The following ADGRV1 variants were observed in gnomAD, a reference collection of about 807,000 sequenced individuals.
ADGRV1 encodes G-protein coupled receptor 98.
A neutral mutation model predicts 596.2 loss-of-function variants in ADGRV1; 359 were observed. The observed-to-expected ratio is 0.60, with a 90% CI of 0.55 to 0.66. The LOEUF (loss-of-function observed/expected upper bound fraction) is 0.66. Among genes scored for constraint, ADGRV1 ranks in the 30% least tolerant of loss-of-function variants. The pLI is 0.00. For synonymous variants in ADGRV1, 2,681 were observed against 2,679.2 expected (o/e 1.00, Z -0.02); for missense variants, 7,274 against 7,575.6 (o/e 0.96, Z 1.48).
At chr5:91,160,610 G>C (rs1562296874) in intron 89 of ADGRV1, among the ~76,000 whole-genome samples, 1 of 152,168 alleles carries the variant, frequency 6.6e-6, no homozygotes, top group East Asian at 1.9e-4. Flanking sequence ...AAGTGTCCCT[G>C]TTATCACAGT....
intron 87 of ADGRV1, among the ~76,000 whole-genome samples, chr5:91,123,929 G>T (rs756287905): frequency 6.6e-6 from 1 of 152,090 alleles, no homozygotes; most frequent in Non-Finnish European, 1.5e-5. Context: ...AAATAAACAT[G>T]ACTAGATTAT....
intron 87 of ADGRV1, among the ~76,000 whole-genome samples, chr5:91,145,560 T>G (rs1795464758): frequency 6.6e-6 from 1 of 152,206 alleles, no homozygotes; most frequent in Non-Finnish European, 1.5e-5. Context: ...TCAGGAAGAT[T>G]TGTTTCTGCT....
chr5:90,568,078 T>G (rs1180156794), intron 1 of ADGRV1, among the ~76,000 whole-genome samples: 1 of 152,124 alleles, frequency 6.6e-6, no homozygotes, highest in Non-Finnish European at 1.5e-5. Flanking sequence ...TTACTTTTGT[T>G]GATTTTCTCT....
intron 72 of ADGRV1, among the ~76,000 whole-genome samples, chr5:90,805,691 A>G (rs1761837845): frequency 6.6e-6 from 1 of 152,186 alleles, no homozygotes; most frequent in African/African-American, 2.4e-5. Context: ...GTCACTAAGC[A>G]AACTACTCTG....
intron 87 of ADGRV1, among the ~76,000 whole-genome samples, chr5:91,133,637 A>G (rs1197777250): frequency 6.6e-6 from 1 of 152,218 alleles, no homozygotes; most frequent in Non-Finnish European, 1.5e-5. Flanking sequence ...GTGGACGACA[A>G]TGTTACAAAG....
chr5:90,994,073 T>G (rs78144013), intron 85 of ADGRV1, among the ~76,000 whole-genome samples: 1 of 151,682 alleles, frequency 6.6e-6, no homozygotes, highest in Admixed American at 6.6e-5. Context: ...TTTTTTTTTT[T>G]GGAGACAGAG....
chr5:90,705,930 G>A, intron 37 of ADGRV1, among the ~76,000 whole-genome samples: 1 of 152,130 alleles, frequency 6.6e-6, no homozygotes, highest in East Asian at 1.9e-4. Context: ...GTGAAAATGT[G>A]TAAGGCCCCC....
intron 79 of ADGRV1, among the ~76,000 whole-genome samples, chr5:90,851,102 G>GGTGAGTGT (rs1554136391): frequency 2.0e-5 from 1 of 50,566 alleles, no homozygotes; most frequent in Non-Finnish European, 4.3e-5. Context: ...AGCTAGGTAG[G>GGTGAGTGT]GTGTGTGTGT....
intron 71 of ADGRV1, among the ~76,000 whole-genome samples, chr5:90,804,357 G>A (rs115423842): frequency 0.024 from 3,604 of 151,902 alleles, 79 homozygotes; most frequent in Middle Eastern, 0.037. Flanking sequence ...AACCGAGATC[G>A]TACCATTGCA....
chr5:91,031,431 T>C lies in ADGRV1; in HGVS notation c.18153-41016T>C, dbSNP rs1784474943. On this transcript the variant is annotated intron_variant, in intron 85 of 89. Transcript: ENST00000405460. ...AACCTTCCTGTTCCCATGGCCAGCA[T>C]TAAAGAGTCACTCAACTCTGAATAA... 7 of 785,030 alleles carry C rather than the reference T, an allele frequency of 8.9e-6. No individual in the cohort carries two copies. In the South Asian group the frequency reaches 1.1e-4, roughly 13 times the overall value. The allele number at this position is 785,030 out of a possible 1,614,324, so 48.6% of individuals were successfully genotyped here. A position where few individuals can be genotyped will look rare whatever the true frequency, so the allele number is the denominator to read the frequency against.
At chr5:91,107,358 C>A (rs2367281) in intron 87 of ADGRV1, among the ~76,000 whole-genome samples, 1 of 151,954 alleles carries the variant, frequency 6.6e-6, no homozygotes, top group Admixed American at 6.6e-5. Flanking sequence ...AGATCATGGA[C>A]GAGGCAGGAA....
At chr5:90,684,924 T>C (rs1745412819) in intron 28 of ADGRV1, among the ~76,000 whole-genome samples, 1 of 152,212 alleles carries the variant, frequency 6.6e-6, no homozygotes, top group African/African-American at 2.4e-5. Context: ...TAGAGTATGA[T>C]GATTTGCAGC....
intron 87 of ADGRV1, among the ~76,000 whole-genome samples, chr5:91,138,267 A>C (rs538596239): frequency 1.5e-4 from 23 of 151,744 alleles, no homozygotes; most frequent in African/African-American, 4.6e-4. Context: ...TAGAAATTGT[A>C]ATTTTACAAA....
At chr5:90,912,818 G>A (rs1773012031) in intron 83 of ADGRV1, among the ~76,000 whole-genome samples, 1 of 152,126 alleles carries the variant, frequency 6.6e-6, no homozygotes, top group Non-Finnish European at 1.5e-5. Context: ...CCAGTGGACT[G>A]TTGACAGGCA....
chr5:90,584,065 CTG>C (rs766330185), intron 1 of ADGRV1, among the ~76,000 whole-genome samples: 32 of 152,144 alleles, frequency 2.1e-4, no homozygotes, highest in Non-Finnish European at 4.3e-4. Context: ...TTTAATCCCT[CTG>C]TAACTCAGGT....
Position 90,705,496 on chromosome 5 carries a change from T to C in ADGRV1, c.8483T>C (p.Phe2828Ser). Residue 2828 changes from phenylalanine (F) to serine (S), a missense_variant, in exon 37 of 90, where the codon TTT (phenylalanine) becomes TCT (serine). By Grantham distance (155) the Phe-to-Ser change is radical. Transcript: ENST00000405460. ...ASDEPHGVLN[F>S]ALSSRFVLLQ... ...GATGAACCACATGGAGTTTTAAATTTTGCTCTTTCATCAAGATTTGTGTTA... is the reference window on the plus strand; with the variant it reads ...GATGAACCACATGGAGTTTTAAATTCTGCTCTTTCATCAAGATTTGTGTTA... The C allele has an allele frequency of 5.6e-6, 9 of 1,613,936 alleles. No individual in the cohort carries two copies. The highest frequency in any genetic ancestry group is 1.1e-5 in the South Asian group (1 of 91,086).
chr5:90,664,758 G>A (rs994753734), intron 21 of ADGRV1, among the ~76,000 whole-genome samples: 41 of 126,198 alleles, frequency 3.2e-4, no homozygotes, highest in African/African-American at 1.3e-3. Context: ...GTTTGTCATA[G>A]ATAGCTCTTA....
At chr5:90,627,906 AACTC>A (rs1764988813) in intron 7 of ADGRV1, 130 bp downstream of exon 7, 1 of 468,300 alleles carries the variant, frequency 2.1e-6, no homozygotes, top group Non-Finnish European at 3.7e-6. Flanking sequence ...TTTCATGACA[AACTC>A]AGAAAAGACA....
Position 90,642,866 on chromosome 5 carries a change from C to G in ADGRV1, c.2378C>G (p.Ser793Cys). The change falls in exon 13 of 90, where the codon TCT becomes TGT. Residue 793 changes from serine (S) to cysteine (C), a missense_variant. Around this residue, in one of 5 missense-constraint regions of ADGRV1, gnomAD observed 1,715 missense variants for 1,708.8 expected, o/e 1.00. Transcript: ENST00000405460. The stretch of plus-strand genomic sequence containing the variant: ...GATTTGTTTTTAAAGGAAGGAGAAT[C>G]TGTAGAGCTCCACATCATCCGATCA... Reference protein sequence around the residue: ...RGPYVIKEGESVELHIIRSRG... With the variant: ...RGPYVIKEGECVELHIIRSRG... 3.1e-6 allele frequency: 5 copies of G among 1,602,358 alleles called. No homozygotes were observed. Among genetic ancestry groups the G allele is most frequent in the Non-Finnish European group, 4.3e-6 (5 of 1,175,140 alleles).
Sources: allele counts gnomAD v4.1 joint callset (sites outside exome capture counted in the v4.1 genomes callset), GRCh38; gene constraint gnomAD v4.1.1; regional missense constraint gnomAD v4.1.1; transcripts MANE v1.5; gene names NCBI Gene and HGNC (gene_info 2026-07-23, HGNC 2026-07-21).